PTPRD: variants seen among roughly 807,000 people sequenced by gnomAD.
PTPRD encodes receptor-type tyrosine-protein phosphatase delta.
PTPRD carries 34 observed loss-of-function variants against 214.5 expected under a neutral mutation model. The observed-to-expected ratio is 0.16, with a 90% CI of 0.12 to 0.21. PTPRD has a LOEUF of 0.21. PTPRD is among the 10% of genes least tolerant of loss of function. The probability of loss-of-function intolerance (pLI) is 1.00; values close to 1 mark genes in which losing one functional copy is unlikely to be tolerated. For synonymous variants in PTPRD, 1,128 were observed against 845.7 expected (o/e 1.33, Z -5.79); for missense variants, 2,545 against 2,398.7 (o/e 1.06, Z -1.27).
chr9:8,342,624 C>T (rs1022605571), intron 39 of PTPRD, among the ~76,000 whole-genome samples: 1 of 152,072 alleles, frequency 6.6e-6, no homozygotes, highest in Non-Finnish European at 1.5e-5. Flanking sequence ...AGGCAACAGA[C>T]AGCCTCCTTC....
chr9:10,310,020 C>A (rs2096224022), intron 3 of PTPRD, among the ~76,000 whole-genome samples: 1 of 152,048 alleles, frequency 6.6e-6, no homozygotes, highest in African/African-American at 2.4e-5. Flanking sequence ...CTGGAGATCC[C>A]CTGAGGTATC....
chr9:9,961,586 G>A (rs2094367877), intron 4 of PTPRD, among the ~76,000 whole-genome samples: 1 of 152,100 alleles, frequency 6.6e-6, no homozygotes, highest in African/African-American at 2.4e-5. Context: ...ACTGAATAAA[G>A]TATTATTTTT....
chr9:8,474,069 T>G (rs1318125385), intron 30 of PTPRD, among the ~76,000 whole-genome samples: 1 of 152,168 alleles, frequency 6.6e-6, no homozygotes, highest in African/African-American at 2.4e-5. Context: ...CCTTCTCATA[T>G]GGCAGCTGTG....
At chr9:10,363,052 A>G (rs890095309) in intron 2 of PTPRD, among the ~76,000 whole-genome samples, 31 of 152,188 alleles carry the variant, frequency 2.0e-4, no homozygotes, top group African/African-American at 7.0e-4. Flanking sequence ...ACAGCTGGAA[A>G]GTGAGGTTCT....
intron 2 of PTPRD, among the ~76,000 whole-genome samples, chr9:10,509,352 T>G (rs1049699119): frequency 6.6e-6 from 1 of 151,618 alleles, no homozygotes; most frequent in Non-Finnish European, 1.5e-5. Flanking sequence ...GATTCATAGA[T>G]ATGGATTTTA....
chr9:8,508,512 A>G (rs1034870924), intron 21 of PTPRD, among the ~76,000 whole-genome samples: 1 of 152,142 alleles, frequency 6.6e-6, no homozygotes, highest in Non-Finnish European at 1.5e-5. Context: ...GCATGTCTCA[A>G]TGTGCTGTGG....
chr9:9,308,470 T>C (rs1364807496), intron 9 of PTPRD, among the ~76,000 whole-genome samples: 1 of 152,190 alleles, frequency 6.6e-6, no homozygotes, highest in Non-Finnish European at 1.5e-5. Context: ...TGAAGCATCA[T>C]TTCTTGAGAA....
intron 3 of PTPRD, among the ~76,000 whole-genome samples, chr9:10,247,118 T>C (rs1350306422): frequency 2.0e-5 from 3 of 152,100 alleles, no homozygotes; most frequent in Non-Finnish European, 4.4e-5. Flanking sequence ...TTTTTAATCT[T>C]TGACTACAAG....
At chr9:9,170,958 G>A (rs2099913312) in intron 10 of PTPRD, among the ~76,000 whole-genome samples, 2 of 152,274 alleles carry the variant, frequency 1.3e-5, no homozygotes, top group East Asian at 3.9e-4. Flanking sequence ...TTCAAACGAA[G>A]TGAAACTTGA....
Position 8,485,943 on chromosome 9 carries a change from A to G in PTPRD, c.2874T>C (p.Tyr958=). ...GGAGAAGGGGGATGTTGATATCCCT[A>G]TAAAGAAGGGTATACTTGGTGATAA... ...NGIITKYTLL[Y]RDINIPLLPM... The change falls in exon 28 of 46, where the codon TAT becomes TAC. Residue 958 remains tyrosine, a synonymous_variant. Coordinates refer to ENST00000381196, the MANE Select transcript of PTPRD (RefSeq NM_002839.4). The G allele has an allele frequency of 6.2e-7, 1 of 1,614,228 alleles. No homozygotes were observed. Among genetic ancestry groups the G allele is most frequent in the Non-Finnish European group, 8.5e-7 (1 of 1,180,038 alleles).
At chr9:10,220,289 A>T (rs1421223633) in intron 3 of PTPRD, among the ~76,000 whole-genome samples, 1 of 151,922 alleles carries the variant, frequency 6.6e-6, no homozygotes, top group Admixed American at 6.6e-5. Flanking sequence ...CACTATTATT[A>T]GTCTTACTTA....
At chr9:10,154,169 C>A (rs2154280649) in intron 3 of PTPRD, among the ~76,000 whole-genome samples, 1 of 152,222 alleles carries the variant, frequency 6.6e-6, no homozygotes, top group South Asian at 2.1e-4. Flanking sequence ...GCCATTCTGA[C>A]TGGTGTGAGA....
chr9:8,888,109 T>C (rs1328719339), intron 11 of PTPRD, among the ~76,000 whole-genome samples: 2 of 152,218 alleles, frequency 1.3e-5, no homozygotes, highest in African/African-American at 4.8e-5. Context: ...ATTAGTTTCC[T>C]TTTGCTTTCG....
chr9:8,951,138 A>T (rs867337969), intron 11 of PTPRD, among the ~76,000 whole-genome samples: 8 of 147,124 alleles, frequency 5.4e-5, no homozygotes, highest in African/African-American at 2.0e-4. Context: ...TAGGAAAAAG[A>T]GTGTGTGTGT....
intron 11 of PTPRD, among the ~76,000 whole-genome samples, chr9:8,788,099 G>A (rs1386057594): frequency 6.6e-6 from 1 of 151,936 alleles, no homozygotes; most frequent in Non-Finnish European, 1.5e-5. Context: ...CTTAATAACA[G>A]GATGTATCGA....
intron 9 of PTPRD, among the ~76,000 whole-genome samples, chr9:9,346,413 G>T (rs192851771): frequency 6.6e-6 from 1 of 152,054 alleles, no homozygotes; most frequent in Non-Finnish European, 1.5e-5. Flanking sequence ...TGTTAAAAAT[G>T]TACAAAGTTA....
At chr9:8,574,119 G>C (rs976057362) in intron 14 of PTPRD, among the ~76,000 whole-genome samples, 2 of 151,876 alleles carry the variant, frequency 1.3e-5, no homozygotes, top group Admixed American at 1.3e-4. Flanking sequence ...TACAGATACT[G>C]CACGGAACAT....
At chr9:8,750,006 G>GA (rs2093354258) in intron 11 of PTPRD, among the ~76,000 whole-genome samples, 1 of 151,942 alleles carries the variant, frequency 6.6e-6, no homozygotes, top group South Asian at 2.1e-4. Flanking sequence ...GGGAAGCTGA[G>GA]GCAGGAGAAT....
chr9:8,618,677 G>A (rs2095694217), intron 14 of PTPRD, among the ~76,000 whole-genome samples: 1 of 151,794 alleles, frequency 6.6e-6, no homozygotes. Context: ...AAACATTTAA[G>A]AAATATCTTT....
Sources: gnomAD v4.1 joint callset for allele counts (sites outside exome capture counted in the v4.1 genomes callset) on GRCh38, gnomAD v4.1.1 for gene constraint, MANE v1.5 for transcripts, NCBI Gene and HGNC (gene_info 2026-07-23, HGNC 2026-07-21) for gene names.